The following SLC4A10 variants were observed in gnomAD, a reference collection of about 807,000 sequenced individuals.
SLC4A10 encodes the protein sodium-driven chloride bicarbonate exchanger.
SLC4A10 carries 42 observed loss-of-function variants against 137.7 expected under a neutral mutation model. The observed-to-expected ratio is 0.30, with a 90% confidence interval of 0.24 to 0.39. The LOEUF (loss-of-function observed/expected upper bound fraction) is 0.39, where lower values mean the gene tolerates loss of function less well. Ranked by LOEUF, SLC4A10 falls within the 10% of genes least tolerant of loss-of-function variation. The pLI is 1.00. For synonymous variants in SLC4A10, 474 were observed against 464.1 expected (o/e 1.02, Z -0.27); for missense variants, 925 against 1,355.0 (o/e 0.68, Z 4.98).
At chr2:161,815,568 A>C (rs2056978232) in intron 3 of SLC4A10, among the ~76,000 whole-genome samples, 1 of 152,090 alleles carries the variant, frequency 6.6e-6, no homozygotes. Context: ...ATGAATCTTA[A>C]AATTTGACGA....
In SLC4A10 at chr2:161,628,726, T is replaced by G. The variant is rs1161460725; in HGVS notation, c.48+4160T>G. ...TAATCCCCGTTTCTACTTTCATGAT[T>G]TGAATTGTTACTCTAGCATGGTGAG... On this transcript the variant is annotated intron_variant, in intron 1 of 26. Transcript: ENST00000446997. Among the ~76,000 whole-genome samples the G allele has an allele frequency of 3.3e-5, 5 of 152,148 alleles. No individual in the cohort carries two copies. The East Asian group carries it at 9.7e-4, about 29-fold the overall frequency.
chr2:161,687,022 T>C (rs987695276), intron 1 of SLC4A10, among the ~76,000 whole-genome samples: 1 of 151,706 alleles, frequency 6.6e-6, no homozygotes, highest in African/African-American at 2.4e-5. Flanking sequence ...AGCTGGACTA[T>C]AGGCACACGC....
Position 161,839,896 on chromosome 2 carries a change from G to T in SLC4A10, c.385G>T (p.Gly129Cys). 6.2e-7 allele frequency: 1 copy of T among 1,613,874 alleles called. No individual in the cohort carries two copies. Among genetic ancestry groups the T allele is most frequent in the Non-Finnish European group, 8.5e-7 (1 of 1,179,814 alleles). ...TELDEICWRE[G>C]EDAEWRETAR... is the part of the protein sequence containing the mutation. ...ACTGGATGAGATTTGTTGGCGTGAA[G>T]GTGAGGACGCTGAGTGGCGAGAAAC... The change falls in exon 4 of 27, where the codon GGT (glycine) becomes TGT (cysteine). Residue 129 changes from glycine (G) to cysteine (C), a missense_variant. Physicochemically the swap from Gly to Cys is radical, Grantham distance 159. Around this residue, in one of 11 missense-constraint regions of SLC4A10, gnomAD observed 138 missense variants for 171.3 expected, o/e 0.81. Transcript: ENST00000446997.
At chr2:161,788,655 G>T (rs1357721971) in intron 2 of SLC4A10, among the ~76,000 whole-genome samples, 1 of 152,124 alleles carries the variant, frequency 6.6e-6, no homozygotes, top group Non-Finnish European at 1.5e-5. Context: ...CTGGAGAAAT[G>T]CCCCTTTGGT....
intron 15 of SLC4A10, among the ~76,000 whole-genome samples, chr2:161,939,655 G>T (rs1449809322): frequency 6.6e-6 from 1 of 152,012 alleles, no homozygotes; most frequent in Non-Finnish European, 1.5e-5. Flanking sequence ...CGTTGTAGCG[G>T]CTATTAACAT....
chr2:161,949,332 T>C, intron 18 of SLC4A10, 71 bp downstream of exon 18: 1 of 952,578 alleles, frequency 1.0e-6, no homozygotes, highest in East Asian at 2.7e-5. Flanking sequence ...CCTATAACTC[T>C]AGTACTTAGG....
At chr2:161,939,439 C>T (rs530005700) in intron 15 of SLC4A10, among the ~76,000 whole-genome samples, 73 of 152,214 alleles carry the variant, frequency 4.8e-4, no homozygotes, top group Non-Finnish European at 6.2e-4. Context: ...CTTTTCAATA[C>T]GATAATATCA....
At chr2:161,759,895 C>A (rs1011204726) in intron 1 of SLC4A10, among the ~76,000 whole-genome samples, 27 of 151,850 alleles carry the variant, frequency 1.8e-4, no homozygotes, top group Non-Finnish European at 3.4e-4. Flanking sequence ...GCATATACTT[C>A]TAGAGTAACA....
Position 161,958,482 on chromosome 2 carries a change from T to C in SLC4A10, c.2794-5T>C. 6.2e-7 allele frequency: 1 copy of C among 1,607,868 alleles called. No homozygotes were observed. The highest frequency in any genetic ancestry group is 8.5e-7 in the Non-Finnish European group (1 of 1,176,368). ...TCTGCCTTTTCTCCAATTGTTCTTT[T>C]ACAGTTTATTCCCATGCCAGTGCTA... is the stretch of plus-strand genomic sequence containing the variant. On this transcript the variant is annotated splice_polypyrimidine_tract_variant and splice_region_variant and intron_variant, in intron 20 of 26. Transcript: ENST00000446997.
intron 5 of SLC4A10, among the ~76,000 whole-genome samples, 162 bp downstream of exon 5, chr2:161,855,292 A>C (rs940554934): frequency 6.6e-6 from 1 of 152,154 alleles, no homozygotes; most frequent in Admixed American, 6.6e-5. Flanking sequence ...ATTTGAGATA[A>C]AAGAAGTTGA....
At chr2:161,967,914 C>T (rs1185755058) in intron 23 of SLC4A10, among the ~76,000 whole-genome samples, 1 of 151,328 alleles carries the variant, frequency 6.6e-6, no homozygotes, top group Non-Finnish European at 1.5e-5. Context: ...CAGTAACTTA[C>T]ATATCTAATT....
intron 4 of SLC4A10, among the ~76,000 whole-genome samples, chr2:161,845,719 T>C (rs1355405321): frequency 6.6e-6 from 1 of 152,016 alleles, no homozygotes; most frequent in African/African-American, 2.4e-5. Context: ...ACAAAAACTA[T>C]TAAATGAAGG....
chr2:161,670,454 G>T (rs1249928838), intron 1 of SLC4A10, among the ~76,000 whole-genome samples: 2 of 151,898 alleles, frequency 1.3e-5, no homozygotes, highest in Non-Finnish European at 2.9e-5. Flanking sequence ...GAAAGAATGA[G>T]GCAAGGGTAT....
At chr2:161,675,093 TG>T (rs1371582720) in intron 1 of SLC4A10, among the ~76,000 whole-genome samples, 1 of 152,208 alleles carries the variant, frequency 6.6e-6, no homozygotes, top group African/African-American at 2.4e-5. Context: ...ATTAGAATTG[TG>T]AAGTTGCAAT....
At chr2:161,944,199 A>T (rs1693276551) in intron 16 of SLC4A10, among the ~76,000 whole-genome samples, 1 of 151,796 alleles carries the variant, frequency 6.6e-6, no homozygotes, top group Admixed American at 6.6e-5. Context: ...TCAAGAAAAA[A>T]CACTATAGTT....
intron 4 of SLC4A10, among the ~76,000 whole-genome samples, chr2:161,842,741 CGTA>C (rs984639328): frequency 6.6e-6 from 1 of 152,030 alleles, no homozygotes; most frequent in Non-Finnish European, 1.5e-5. Flanking sequence ...TCAAAAACTA[CGTA>C]GTAGTTTTAA....
At chr2:161,722,555 C>G (rs932366013) in intron 1 of SLC4A10, among the ~76,000 whole-genome samples, 1 of 152,194 alleles carries the variant, frequency 6.6e-6, no homozygotes, top group Non-Finnish European at 1.5e-5. Context: ...AAGATGGGAG[C>G]TCTGTCCCAG....
At chr2:161,778,926 C>T (rs968523248) in intron 2 of SLC4A10, among the ~76,000 whole-genome samples, 19 of 152,038 alleles carry the variant, frequency 1.2e-4, no homozygotes, top group African/African-American at 4.3e-4. Context: ...CCACATAGTA[C>T]ACTATAGACC....
intron 15 of SLC4A10, among the ~76,000 whole-genome samples, chr2:161,924,468 T>C (rs1020878327): frequency 3.9e-5 from 6 of 152,096 alleles, no homozygotes; most frequent in Non-Finnish European, 7.4e-5. Flanking sequence ...TTTGCTTGGG[T>C]ATACATGATA....
Sources: gnomAD v4.1 joint callset for allele counts (sites outside exome capture counted in the v4.1 genomes callset) on GRCh38, gnomAD v4.1.1 for gene constraint, gnomAD v4.1.1 regional missense constraint, MANE v1.5 for transcripts, NCBI Gene and HGNC (gene_info 2026-07-23, HGNC 2026-07-21) for gene names.